Variants in ADAT1 observed in about 807,000 individuals in gnomAD.
ADAT1 encodes the protein adenosine deaminase tRNA specific 1.
A neutral mutation model predicts 58.6 loss-of-function variants in ADAT1; 58 were observed. The observed-to-expected ratio is 0.99, with a 90% CI of 0.80 to 1.23. The LOEUF (loss-of-function observed/expected upper bound fraction) is 1.23. ADAT1 is among the 50% of genes most tolerant of loss of function. ADAT1 has a pLI of 0.00. For synonymous variants in ADAT1, 254 were observed against 220.8 expected (o/e 1.15, Z -1.33); for missense variants, 741 against 608.6 (o/e 1.22, Z -2.29).
chr16:75,614,991 G>A (rs1371880428), intron 5 of ADAT1, among the ~76,000 whole-genome samples: 1 of 152,054 alleles, frequency 6.6e-6, no homozygotes, highest in African/African-American at 2.4e-5. Context: ...TTGGGAGGCC[G>A]AGGTGGGCGA....
chr16:75,605,372 A>G (rs2151749686), intron 8 of ADAT1, among the ~76,000 whole-genome samples: 1 of 152,304 alleles, frequency 6.6e-6, no homozygotes, highest in East Asian at 1.9e-4. Flanking sequence ...TACAGACGTG[A>G]GCCACAGCAC....
chr16:75,606,051 TGG>T (rs34102606), intron 8 of ADAT1, among the ~76,000 whole-genome samples: 21 of 143,040 alleles, frequency 1.5e-4, no homozygotes, highest in South Asian at 2.4e-4. Context: ...TTTTAGAGAT[TGG>T]GGGGGGGGTC....
intron 9 of ADAT1, among the ~76,000 whole-genome samples, chr16:75,602,739 G>C (rs936867251): frequency 8.5e-5 from 13 of 152,156 alleles, no homozygotes; most frequent in African/African-American, 3.1e-4. Context: ...AAGTTCAAAA[G>C]GAAAAGAGGA....
intron 2 of ADAT1, 106 bp from the exon 3 acceptor site, chr16:75,620,440 T>C: frequency 1.4e-6 from 2 of 1,442,852 alleles, no homozygotes; most frequent in South Asian, 1.2e-5. Context: ...AGAGGCCCAC[T>C]CAACCAAGGT....
In ADAT1 at chr16:75,597,740, T is replaced by C. The variant is rs1247229215; in HGVS notation, c.*2476A>G. 6.6e-6 allele frequency among the ~76,000 whole-genome samples: 1 copy of C among 152,222 alleles called. No homozygotes were observed. The highest frequency in any genetic ancestry group is 1.5e-5 in the Non-Finnish European group (1 of 68,038). ...CACTGACAGATCATCAGGCATTATA[T>C]TCTCATAAGGAGTGTGCAACCTAGA... On this transcript the variant is annotated 3_prime_UTR_variant, in exon 10 of 10. Transcript: ENST00000564657.
chr16:75,618,540 T>A, intron 4 of ADAT1, 46 bp downstream of exon 4: 69 of 1,206,956 alleles, frequency 5.7e-5, no homozygotes, highest in Middle Eastern at 2.1e-4. Context: ...ATTCCGGGAC[T>A]CCCACCCCAG....
chr16:75,618,555 G>C, intron 4 of ADAT1, 31 bp downstream of exon 4: 1 of 1,485,378 alleles, frequency 6.7e-7, no homozygotes, highest in East Asian at 2.3e-5. Context: ...CCCCAGTCCT[G>C]CTGAACCATA....
chr16:75,606,265 T>C (rs1421487190), intron 8 of ADAT1, among the ~76,000 whole-genome samples: 2 of 152,100 alleles, frequency 1.3e-5, no homozygotes, highest in Non-Finnish European at 2.9e-5. Flanking sequence ...GAAAACGGGA[T>C]AAAAAGCTAT....
At position 75,612,544 on chromosome 16, in the gene ADAT1, G is replaced by A. The variant is rs149520290; in HGVS notation, c.742C>T (p.Pro248Ser). Residue 248 changes from proline to serine, a missense_variant, in exon 6 of 10, where the codon CCT becomes TCT. Pro to Ser is a moderately conservative substitution (Grantham distance 74). Transcript: ENST00000564657. Reference sequence around the variant, plus strand: ...ACGTCTATCACTTTGGCACTACCAGGGGCTATTCTGGTGACAGTAGCCAGT... The same window carrying A: ...ACGTCTATCACTTTGGCACTACCAGAGGCTATTCTGGTGACAGTAGCCAGT... ...EGLATVTRIAPGSAKVIDVYR... is the reference protein window; with the variant it reads ...EGLATVTRIASGSAKVIDVYR... 5.3e-3 allele frequency: 8,597 copies of A among 1,614,052 alleles called. 39 individuals are homozygous for A. Among genetic ancestry groups the A allele is most frequent in the South Asian group, 0.012 (1,115 of 91,078 alleles).
intron 9 of ADAT1, chr16:75,602,111 A>C (rs902030086): frequency 1.3e-5 from 2 of 152,096 alleles, no homozygotes; most frequent in Non-Finnish European, 2.9e-5. Flanking sequence ...CCAACCATGT[A>C]GAGAATTAGG....
At chr16:75,618,042 G>C (rs966765327) in intron 4 of ADAT1, among the ~76,000 whole-genome samples, 3 of 135,344 alleles carry the variant, frequency 2.2e-5, no homozygotes, top group African/African-American at 8.3e-5. Context: ...AGGCTGCAAT[G>C]AGCTGAGATC....
Position 75,599,442 on chromosome 16 carries a change from G to C in ADAT1, c.*774C>G, listed in dbSNP as rs989860598. On this transcript the variant is annotated 3_prime_UTR_variant, in exon 10 of 10. Transcript: ENST00000564657. ...TAAGTCAGAAAACCAACACAAACAGGCTTAATCAAAATAACAACAGGAATC... is the reference window on the plus strand; with the variant it reads ...TAAGTCAGAAAACCAACACAAACAGCCTTAATCAAAATAACAACAGGAATC... The C allele has an allele frequency of 2.8e-5, 28 of 985,626 alleles. No homozygotes were observed. The highest frequency in any genetic ancestry group is 3.4e-5 in the Non-Finnish European group (28 of 829,940). The allele number at this position is 985,626 out of a possible 1,614,324, so 61.1% of individuals were successfully genotyped here.
intron 4 of ADAT1, 90 bp from the exon 5 acceptor site, chr16:75,617,362 T>C (rs1194367394): frequency 7.2e-7 from 1 of 1,393,528 alleles, no homozygotes; most frequent in Non-Finnish European, 9.9e-7. Flanking sequence ...GACAGCTTAC[T>C]GTAGACTAAT....
rs1453664445 is a variant in ADAT1, at chr16:75,600,123, C to G, written c.*93G>C. 4.5e-6 allele frequency: 7 copies of G among 1,555,134 alleles called. No individual in the cohort carries two copies. The highest frequency in any genetic ancestry group is 6.1e-6 in the Non-Finnish European group (7 of 1,149,180). On this transcript the variant is annotated 3_prime_UTR_variant, in exon 10 of 10. Coordinates refer to ENST00000564657, the MANE Select transcript of ADAT1 (RefSeq NM_001324445.2). ...ATGCAAAGCTCAGAAAGAATGTTCC[C>G]TGATTTAACTACCAAAAAAGCTAAG...
intron 2 of ADAT1, 126 bp downstream of exon 2, chr16:75,620,505 G>A (rs1305484929): frequency 2.4e-5 from 34 of 1,412,608 alleles, no homozygotes; most frequent in Non-Finnish European, 3.1e-5. Context: ...TCACCTAGCA[G>A]AGGACAAGCA....
At chr16:75,603,673 T>C (rs555996704) in intron 8 of ADAT1, among the ~76,000 whole-genome samples, 122 of 152,058 alleles carry the variant, frequency 8.0e-4, no homozygotes, top group African/African-American at 2.9e-3. Context: ...AACAAAATTC[T>C]GGGTGGAGGT....
Position 75,608,568 on chromosome 16 carries a change from A to G in ADAT1, c.1190-245T>C, listed in dbSNP as rs182284757. ...TATTTGCTGGGCACAGAGTAAATGC[A>G]TTAAACAGAATTTCTCACTGAATCT... On this transcript the variant is annotated intron_variant, in intron 7 of 9. Transcript: ENST00000564657. 1.3e-4 allele frequency: 74 copies of G among 579,384 alleles called. No homozygotes were observed. In the African/African-American group the frequency reaches 1.3e-3, roughly 10 times the overall value. 35.9% of individuals were successfully genotyped at this position (579,384 alleles called of 1,614,324 possible). A position where few individuals can be genotyped will look rare whatever the true frequency, so the allele number is the denominator to read the frequency against.
intron 8 of ADAT1, among the ~76,000 whole-genome samples, chr16:75,606,899 A>T (rs1051055783): frequency 6.6e-6 from 1 of 152,210 alleles, no homozygotes; most frequent in African/African-American, 2.4e-5. Flanking sequence ...GCTGAAATAT[A>T]TGTAAGAAGA....
chr16:75,608,303 G>C lies in ADAT1; in HGVS notation c.1210C>G (p.Pro404Ala). Residue 404 changes from proline to alanine, a missense_variant, in exon 8 of 10, where the codon CCT becomes GCT. Physicochemically the swap from Pro to Ala is conservative, Grantham distance 27. Transcript: ENST00000564657. ...GCAGTAACATCCAAAGGCTGCTCAG[G>C]AACTGCACTCCAGCTGATGGCTATG... ...CGAAISWSAV[P>A]EQPLDVTANG... is the part of the protein sequence containing the mutation. 6.2e-7 allele frequency: 1 copy of C among 1,613,980 alleles called. No homozygotes were observed. Among genetic ancestry groups the C allele is most frequent in the African/African-American group, 1.3e-5 (1 of 75,040 alleles).
Sources: allele counts gnomAD v4.1 joint callset (sites outside exome capture counted in the v4.1 genomes callset), GRCh38; gene constraint gnomAD v4.1.1; transcripts MANE v1.5; gene names NCBI Gene and HGNC (gene_info 2026-07-23, HGNC 2026-07-21).